Variants in PCNT observed in about 807,000 individuals in gnomAD.
PCNT encodes pericentrin.
PCNT carries 319 observed loss-of-function variants against 380.4 expected under a neutral mutation model. That is an observed-to-expected ratio of 0.84 (90% CI 0.77 to 0.92). The LOEUF (loss-of-function observed/expected upper bound fraction) is 0.92. PCNT is among the 40% of genes least tolerant of loss of function. The pLI is 0.00. For missense variants in PCNT, 4,400 were observed against 4,255.3 expected, an observed-to-expected ratio of 1.03 and a Z score of -0.95; for synonymous variants, 1,845 against 1,735.2, an observed-to-expected ratio of 1.06 and a Z score of -1.57.
rs1161146309 is a variant in PCNT, at chr21:46,367,057, A to G, written c.3083A>G (p.Gln1028Arg). The stretch of plus-strand genomic sequence containing the variant: ...AAGCGGAAACACGAAGGGGAGCTAC[A>G]GTCTGTGCGGGACCACCTGCGAACC... ...KLKRKHEGEL[Q>R]SVRDHLRTEV... Residue 1028 changes from glutamine to arginine, a missense_variant, in exon 15 of 47, where the codon CAG (glutamine) becomes CGG (arginine). Coordinates refer to ENST00000359568, the MANE Select transcript of PCNT (RefSeq NM_006031.6). The G allele has an allele frequency of 1.2e-6, 2 of 1,614,000 alleles. No homozygotes were observed. The highest frequency in any genetic ancestry group is 4.5e-5 in the East Asian group (2 of 44,876).
Position 46,430,037 on chromosome 21 carries a change from A to G in PCNT, c.7718A>G (p.Gln2573Arg). 6.2e-7 allele frequency: 1 copy of G among 1,614,200 alleles called. No individual in the cohort carries two copies. Among genetic ancestry groups the G allele is most frequent in the Non-Finnish European group, 8.5e-7 (1 of 1,180,016 alleles). The part of the protein sequence containing the change: ...QVELLAYKVE[Q>R]EKCIAGDLQK... Reference sequence around the variant, plus strand: ...GAACTGCTGGCTTATAAAGTAGAGCAGGAGAAGTGCATTGCTGGTGACTTG... The same window carrying G: ...GAACTGCTGGCTTATAAAGTAGAGCGGGAGAAGTGCATTGCTGGTGACTTG... The change falls in exon 36 of 47, where the codon CAG becomes CGG. Residue 2573 changes from glutamine (Q) to arginine (R), a missense_variant. Coordinates refer to ENST00000359568, the MANE Select transcript of PCNT (RefSeq NM_006031.6).
chr21:46,421,580 T>G (rs1455425232), intron 31 of PCNT, among the ~76,000 whole-genome samples: 2 of 152,232 alleles, frequency 1.3e-5, no homozygotes, highest in Non-Finnish European at 2.9e-5. Context: ...GCTGCCTGCC[T>G]TATCTCCGTG....
At position 46,353,342 on chromosome 21, in the gene PCNT, C is replaced by G; in HGVS notation, c.1679+16C>G. 6.2e-7 allele frequency: 1 copy of G among 1,604,834 alleles called. No individual in the cohort carries two copies. On this transcript the variant is annotated intron_variant, in intron 10 of 46. Transcript: ENST00000359568. ...TGGAAGTTGGGTAAGCAAAGCAGTT[C>G]CAGCCTCAGTGAGTTTCTGCCATAC...
chr21:46,376,744 C>T (rs185265274), intron 15 of PCNT, among the ~76,000 whole-genome samples: 2 of 152,298 alleles, frequency 1.3e-5, no homozygotes, highest in Admixed American at 6.5e-5. Context: ...ATGCGTCTGT[C>T]CCCCAGGAGA....
chr21:46,403,963 T>TTG (rs2086540253), intron 27 of PCNT, among the ~76,000 whole-genome samples: 5 of 95,814 alleles, frequency 5.2e-5, no homozygotes, highest in African/African-American at 7.0e-5. Flanking sequence ...CGTGGGAGAA[T>TTG]TGTGTGTGTG....
intron 27 of PCNT, among the ~76,000 whole-genome samples, chr21:46,409,209 GAC>G (rs1162953735): frequency 2.8e-5 from 1 of 35,160 alleles, no homozygotes; most frequent in South Asian, 1.0e-3. Context: ...TTTTTTTTTT[GAC>G]AGAGTCTCTC....
intron 29 of PCNT, 33 bp from the exon 30 acceptor site, chr21:46,416,036 T>G (rs770190958): frequency 3.7e-6 from 6 of 1,611,628 alleles, no homozygotes; most frequent in South Asian, 1.1e-5. Flanking sequence ...GAGCCAGGTA[T>G]TCCACCGTGC....
intron 44 of PCNT, chr21:46,442,854 G>C (rs559961413): frequency 2.0e-6 from 1 of 489,330 alleles, no homozygotes; most frequent in African/African-American, 1.9e-5. Flanking sequence ...TAGCAAAATG[G>C]TCTTTTTTTA....
intron 1 of PCNT, 130 bp downstream of exon 1, chr21:46,324,412 C>T (rs966199739): frequency 2.5e-6 from 2 of 815,978 alleles, no homozygotes; most frequent in Non-Finnish European, 4.1e-6. Context: ...CTCGCTTTTT[C>T]CCGCCGGCTC....
chr21:46,347,031 G>T, intron 5 of PCNT, 33 bp downstream of exon 5: 2 of 1,579,116 alleles, frequency 1.3e-6, no homozygotes, highest in Non-Finnish European at 8.6e-7. Flanking sequence ...CGGGCAGCGT[G>T]TGGGCTCGGT....
chr21:46,368,714 C>G (rs1056407388), intron 15 of PCNT, among the ~76,000 whole-genome samples: 1 of 152,220 alleles, frequency 6.6e-6, no homozygotes, highest in African/African-American at 2.4e-5. Flanking sequence ...TGGCCTATCT[C>G]CCTGCAGGAA....
rs1313584433 is a variant in PCNT, at chr21:46,370,731, G to A, written c.3165+3592G>A. ...GACCAGCCTGGGGAACATAGCAAGA[G>A]TCCACTTCTAAAAATAAAAATCGGC... On this transcript the variant is annotated intron_variant, in intron 15 of 46. Transcript: ENST00000359568. Among the ~76,000 whole-genome samples the A allele has an allele frequency of 4.6e-5, 7 of 152,218 alleles. No individual in the cohort carries two copies. In the East Asian group the frequency reaches 1.4e-3, roughly 29 times the overall value.
intron 15 of PCNT, among the ~76,000 whole-genome samples, chr21:46,380,605 G>C (rs1395810147): frequency 1.3e-5 from 2 of 152,068 alleles, no homozygotes; most frequent in African/African-American, 4.8e-5. Context: ...GCAGCTACTG[G>C]TTTTCAGGGC....
At chr21:46,378,332 C>T (rs188340518) in intron 15 of PCNT, among the ~76,000 whole-genome samples, 1 of 152,318 alleles carries the variant, frequency 6.6e-6, no homozygotes, top group East Asian at 1.9e-4. Context: ...CAACTTTTAA[C>T]TGAAAGGCAT....
intron 35 of PCNT, 91 bp downstream of exon 35, chr21:46,428,681 G>A: frequency 5.2e-6 from 6 of 1,152,222 alleles, no homozygotes; most frequent in Non-Finnish European, 7.5e-6. Flanking sequence ...AGAGGGTGGT[G>A]ACAGGGCATC....
rs778239691 is a variant in PCNT, at chr21:46,366,908, A to T, written c.2934A>T (p.Glu978Asp). 5.0e-6 allele frequency: 8 copies of T among 1,614,072 alleles called. No homozygotes were observed. The highest frequency in any genetic ancestry group is 5.9e-6 in the Non-Finnish European group (7 of 1,180,042). Residue 978 changes from glutamate (E) to aspartate (D), a missense_variant, in exon 15 of 47, where the codon GAA becomes GAT. Physicochemically the swap from Glu to Asp is conservative, Grantham distance 45. Transcript: ENST00000359568. The stretch of plus-strand genomic sequence containing the variant: ...CTTTGGAATCCTGTTACCTCTCTGA[A>T]TTTCAGACCATCCGTGAGGAGCACA... The part of the protein sequence containing the change: ...LDSLESCYLS[E>D]FQTIREEHRQ...
chr21:46,418,649 T>G (rs1175623706), intron 31 of PCNT, among the ~76,000 whole-genome samples: 6 of 152,268 alleles, frequency 3.9e-5, no homozygotes, highest in Non-Finnish European at 8.8e-5. Context: ...TCACAGGCTG[T>G]GTTCAGGTGT....
chr21:46,431,410 G>A, intron 37 of PCNT, 119 bp from the exon 38 acceptor site: 1 of 1,569,778 alleles, frequency 6.4e-7, no homozygotes, highest in Non-Finnish European at 8.6e-7. Flanking sequence ...GGCTAATAGG[G>A]TGCATTTCAA....
Position 46,444,698 on chromosome 21 carries a change from A to T in PCNT, c.9844A>T (p.Thr3282Ser). The change falls in exon 46 of 47, where the codon ACT becomes TCT. Residue 3282 changes from threonine to serine, a missense_variant. Thr to Ser is a moderately conservative substitution (Grantham distance 58). Transcript: ENST00000359568. ...AASPHSGGRA[T>S]PSPNSRLERS... Reference sequence around the variant, plus strand: ...GGTGTGGTAATTTGTTTGAAGAGCCACTCCATCCCCAAATTCAAGATTAGA... The same window carrying T: ...GGTGTGGTAATTTGTTTGAAGAGCCTCTCCATCCCCAAATTCAAGATTAGA... 6.2e-7 allele frequency: 1 copy of T among 1,605,790 alleles called. No homozygotes were observed. Among genetic ancestry groups the T allele is most frequent in the Non-Finnish European group, 8.5e-7 (1 of 1,177,282 alleles).
Sources: gnomAD v4.1 joint callset for allele counts (sites outside exome capture counted in the v4.1 genomes callset) on GRCh38, gnomAD v4.1.1 for gene constraint, MANE v1.5 for transcripts, NCBI Gene and HGNC (gene_info 2026-07-23, HGNC 2026-07-21) for gene names.